ZNF608: variants seen among roughly 807,000 people sequenced by gnomAD.
ZNF608 encodes renal carcinoma antigen NY-REN-36.
Under a neutral mutation model 109.0 loss-of-function variants are expected in ZNF608, and 12 were observed. That is an observed-to-expected ratio of 0.11 (90% confidence interval 0.07 to 0.18). ZNF608 has a LOEUF of 0.18. Among genes scored for constraint, ZNF608 ranks in the 10% least tolerant of loss-of-function variants. The probability of loss-of-function intolerance (pLI) is 1.00; values close to 1 mark genes in which losing one functional copy is unlikely to be tolerated. For synonymous variants in ZNF608, 732 were observed against 717.4 expected (o/e 1.02, Z -0.33); for missense variants, 1,707 against 1,879.3 (o/e 0.91, Z 1.70).
chr5:124,712,601 A>G (rs961652168), intron 2 of ZNF608, among the ~76,000 whole-genome samples: 1 of 152,132 alleles, frequency 6.6e-6, no homozygotes, highest in Non-Finnish European at 1.5e-5. Flanking sequence ...GGGCTCTAAG[A>G]GTACCAAGGT....
rs776137212 is a variant in ZNF608 at position 124,647,714 on chromosome 5, T to C, written c.2670A>G (p.Thr890=). The part of the protein sequence containing the change: ...KAEADKVYTF[T]DNAPSPSIGS... ...CTATGGAAGGGCTGGGAGCGTTGTCTGTGAAAGTGTAAACCTTATCGGCCT... is the reference window on the plus strand; with the variant it reads ...CTATGGAAGGGCTGGGAGCGTTGTCCGTGAAAGTGTAAACCTTATCGGCCT... The change falls in exon 5 of 10, where the codon ACA becomes ACG. Residue 890 remains threonine, a synonymous_variant. Transcript: ENST00000513986. 1 of 1,614,224 alleles carries C rather than the reference T, an allele frequency of 6.2e-7. No individual in the cohort carries two copies. The highest frequency in any genetic ancestry group is 1.3e-5 in the African/African-American group (1 of 75,056).
chr5:124,648,070 T>C lies in ZNF608; in HGVS notation c.2314A>G (p.Thr772Ala). The change falls in exon 5 of 10, where the codon ACA (threonine) becomes GCA (alanine). Residue 772 changes from threonine (T) to alanine (A), a missense_variant. Coordinates refer to ENST00000513986, the MANE Select transcript of ZNF608 (RefSeq NM_020747.3). ...TGTIPGLPSL[T>A]TTVVQATPKS... ...GGTGTAGCCTGAACAACAGTTGTTG[T>C]GAGGGAGGGCAGTCCGGGTATTGTC... The C allele has an allele frequency of 6.2e-7, 1 of 1,613,740 alleles. No individual in the cohort carries two copies. The highest frequency in any genetic ancestry group is 8.5e-7 in the Non-Finnish European group (1 of 1,179,982).
At chr5:124,656,420 T>C (rs886069696) in intron 3 of ZNF608, among the ~76,000 whole-genome samples, 7 of 152,186 alleles carry the variant, frequency 4.6e-5, no homozygotes, top group African/African-American at 1.7e-4. Context: ...TCTGCGTTAA[T>C]TATAACCTCT....
intron 3 of ZNF608, among the ~76,000 whole-genome samples, chr5:124,672,843 C>A (rs1334225708): frequency 1.3e-5 from 2 of 152,084 alleles, no homozygotes; most frequent in Non-Finnish European, 2.9e-5. Context: ...CAGAGGAAGT[C>A]CAGAGAAAAC....
intron 2 of ZNF608, among the ~76,000 whole-genome samples, chr5:124,729,156 G>T (rs896249061): frequency 6.6e-6 from 1 of 152,188 alleles, no homozygotes. Flanking sequence ...GCCATCAAAT[G>T]CAAGAAGTGT....
At chr5:124,641,984 G>A (rs976152984) in intron 7 of ZNF608, among the ~76,000 whole-genome samples, 1 of 152,120 alleles carries the variant, frequency 6.6e-6, no homozygotes, top group Non-Finnish European at 1.5e-5. Context: ...TTGGGGTAAG[G>A]ATGGTTCATT....
At chr5:124,649,841 T>C (rs1191659309) in intron 3 of ZNF608, 144 bp from the exon 4 acceptor site, 2 of 541,848 alleles carry the variant, frequency 3.7e-6, no homozygotes, top group Admixed American at 3.6e-5. Context: ...ATTCTTCCTC[T>C]TTCTGGTTTC....
chr5:124,731,781 G>A (rs891347921), intron 2 of ZNF608, among the ~76,000 whole-genome samples: 10 of 152,026 alleles, frequency 6.6e-5, no homozygotes, highest in Non-Finnish European at 4.4e-5. Flanking sequence ...AGCCGAGATC[G>A]TGCCACTGCA....
rs202152261 is a variant in ZNF608, at chr5:124,730,769, CTT to C, written c.906+13313_906+13314del. ...AGAGGAGAAGCAAGAGACAAGAACTCTTGTTAATATTAAATTGTGAGGGGCCG... is the reference window on the plus strand; with the variant it reads ...AGAGGAGAAGCAAGAGACAAGAACTCGTTAATATTAAATTGTGAGGGGCCG... On this transcript the variant is annotated intron_variant, in intron 2 of 9. Coordinates refer to ENST00000513986, the MANE Select transcript of ZNF608 (RefSeq NM_020747.3). 7.5e-3 allele frequency among the ~76,000 whole-genome samples: 1,136 copies of C among 152,294 alleles called. 22 individuals are homozygous for C. Among genetic ancestry groups the C allele is most frequent in the African/African-American group, 0.026 (1,083 of 41,548 alleles).
chr5:124,694,914 C>T (rs1752785646), intron 3 of ZNF608, among the ~76,000 whole-genome samples: 1 of 152,130 alleles, frequency 6.6e-6, no homozygotes, highest in Middle Eastern at 3.2e-3. Flanking sequence ...CCCAGGAAGC[C>T]GAGGGGAAAG....
At chr5:124,745,996 T>G in intron 1 of ZNF608, 199 bp downstream of exon 1, 1 of 265,990 alleles carries the variant, frequency 3.8e-6, no homozygotes, top group Non-Finnish European at 5.8e-6. Context: ...TGCTACTGAC[T>G]GTACAGAAAA....
In ZNF608 at chr5:124,740,844, A is replaced by AT. The variant is rs1749364718; in HGVS notation, c.906+3239dup. Among the ~76,000 whole-genome samples, 4 of 152,302 alleles carry AT rather than the reference A, an allele frequency of 2.6e-5. No homozygotes were observed. The South Asian group carries it at 8.3e-4, about 32-fold the overall frequency. On this transcript the variant is annotated intron_variant, in intron 2 of 9. Transcript: ENST00000513986. ...TTAGGATTTTTGAGTTTTTGTATAT[A>AT]TTTTTGAATTTTCCAGAAATCAAAT...
At chr5:124,651,805 A>G (rs1750793314) in intron 3 of ZNF608, among the ~76,000 whole-genome samples, 1 of 152,238 alleles carries the variant, frequency 6.6e-6, no homozygotes, top group African/African-American at 2.4e-5. Flanking sequence ...GCACAGAGGC[A>G]GCGGTCGGGT....
intron 2 of ZNF608, among the ~76,000 whole-genome samples, chr5:124,723,325 T>G (rs1411071978): frequency 1.3e-5 from 2 of 152,198 alleles, no homozygotes; most frequent in African/African-American, 2.4e-5. Context: ...GATTTATAAT[T>G]CATTGCCTTT....
intron 2 of ZNF608, among the ~76,000 whole-genome samples, chr5:124,729,566 G>A (rs1352420488): frequency 2.6e-5 from 4 of 152,114 alleles, no homozygotes; most frequent in South Asian, 2.1e-4. Context: ...GTATTGGTTC[G>A]TGCTGTTACA....
chr5:124,655,426 G>GT (rs1327106576), intron 3 of ZNF608, among the ~76,000 whole-genome samples: 1 of 152,150 alleles, frequency 6.6e-6, no homozygotes, highest in Non-Finnish European at 1.5e-5. Flanking sequence ...TCAGACAGAA[G>GT]TTTTTTTGAA....
intron 3 of ZNF608, among the ~76,000 whole-genome samples, chr5:124,662,455 G>A (rs1044175083): frequency 6.6e-6 from 1 of 152,234 alleles, no homozygotes; most frequent in Non-Finnish European, 1.5e-5. Flanking sequence ...GGACTAAGGC[G>A]TGTGAGCCAA....
chr5:124,644,680 A>G lies in ZNF608; in HGVS notation c.3706-19T>C. 6.6e-7 allele frequency: 1 copy of G among 1,521,844 alleles called. No homozygotes were observed. The highest frequency in any genetic ancestry group is 8.8e-7 in the Non-Finnish European group (1 of 1,137,482). 94.3% of individuals were successfully genotyped at this position (1,521,844 alleles called of 1,614,324 possible). On this transcript the variant is annotated intron_variant, in intron 5 of 9. Transcript: ENST00000513986. ...CTGGGTCCTGATTTTTTTGTTTTAA[A>G]GAAAAAAAACCCAACAGATTTGTTT... is the stretch of plus-strand genomic sequence containing the variant.
At chr5:124,695,496 G>T (rs1752810060) in intron 3 of ZNF608, among the ~76,000 whole-genome samples, 1 of 152,202 alleles carries the variant, frequency 6.6e-6, no homozygotes, top group African/African-American at 2.4e-5. Context: ...GGCTGAGTGA[G>T]ATACCTCACT....
Sources: gnomAD v4.1 joint callset for allele counts (sites outside exome capture counted in the v4.1 genomes callset) on GRCh38, gnomAD v4.1.1 for gene constraint, MANE v1.5 for transcripts, NCBI Gene and HGNC (gene_info 2026-07-23, HGNC 2026-07-21) for gene names.